The following ATP2B2 variants were observed in gnomAD, a reference collection of about 807,000 sequenced individuals.
The protein encoded by ATP2B2 is ATPase plasma membrane Ca2+ transporting 2, also known as plasma membrane calcium-transporting ATPase 2.
In ATP2B2, 15 loss-of-function variants were observed where a neutral mutation model predicts 120.0. The ratio of observed to expected loss-of-function variants is 0.12; its 90% CI spans 0.08 to 0.19. The LOEUF (loss-of-function observed/expected upper bound fraction) is 0.19, where lower values mean the gene tolerates loss of function less well. Among genes scored for constraint, ATP2B2 ranks in the 10% least tolerant of loss-of-function variants. The pLI, the probability that ATP2B2 is intolerant of heterozygous loss-of-function variation, is 1.00. For synonymous variants in ATP2B2, 694 were observed against 700.3 expected (o/e 0.99, Z 0.14); for missense variants, 1,045 against 1,719.8 (o/e 0.61, Z 6.94).
At chr3:10,680,266 C>T (rs2071350555) in intron 1 of ATP2B2, among the ~76,000 whole-genome samples, 1 of 152,124 alleles carries the variant, frequency 6.6e-6, no homozygotes, top group Non-Finnish European at 1.5e-5. Flanking sequence ...AAGTGGGAGG[C>T]TGCATGGGCT....
chr3:10,527,221 G>C (rs573020325), intron 3 of ATP2B2, among the ~76,000 whole-genome samples: 301 of 152,296 alleles, frequency 2.0e-3, no homozygotes, highest in African/African-American at 3.8e-3. Context: ...GGAGGGAAAG[G>C]GGGCAGCTCA....
upstream of ATP2B2, among the ~76,000 whole-genome samples, chr3:10,506,463 CG>C (rs2066631421): frequency 6.6e-6 from 1 of 152,324 alleles, no homozygotes; most frequent in South Asian, 2.1e-4. Flanking sequence ...GGTGAGGAGT[CG>C]GTAGGGTTGG....
upstream of ATP2B2, among the ~76,000 whole-genome samples, chr3:10,506,942 G>A (rs1362089043): frequency 6.6e-6 from 1 of 152,216 alleles, no homozygotes; most frequent in Non-Finnish European, 1.5e-5. Context: ...GAACCCGGCC[G>A]TGCAGAGGGG....
chr3:10,524,600 A>G (rs951754306), intron 3 of ATP2B2, among the ~76,000 whole-genome samples: 2 of 152,182 alleles, frequency 1.3e-5, no homozygotes, highest in South Asian at 2.1e-4. Context: ...CCATCTCTCA[A>G]TATGACAACT....
chr3:10,399,461 T>C (rs2062148944), intron 5 of ATP2B2, among the ~76,000 whole-genome samples: 1 of 152,252 alleles, frequency 6.6e-6, no homozygotes, highest in Non-Finnish European at 1.5e-5. Flanking sequence ...CAGGTCTCTA[T>C]ACCTCACTAC....
At chr3:10,603,940 C>T (rs2068993032) in intron 2 of ATP2B2, among the ~76,000 whole-genome samples, 1 of 152,184 alleles carries the variant, frequency 6.6e-6, no homozygotes, top group Admixed American at 6.5e-5. Flanking sequence ...GTCTTCAGCC[C>T]TCCCTCCCCT....
intron 14 of ATP2B2, among the ~76,000 whole-genome samples, chr3:10,356,952 G>A (rs2060750454): frequency 6.7e-6 from 1 of 148,440 alleles, no homozygotes; most frequent in Non-Finnish European, 1.5e-5. Context: ...CCCCAAGGAG[G>A]GTGTGTGTGT....
intron 2 of ATP2B2, among the ~76,000 whole-genome samples, chr3:10,431,470 C>A (rs1413315184): frequency 1.3e-5 from 2 of 152,206 alleles, no homozygotes; most frequent in African/African-American, 4.8e-5. Flanking sequence ...TGACGACTTG[C>A]TGTGGGCTCA....
intron 1 of ATP2B2, among the ~76,000 whole-genome samples, chr3:10,487,151 C>T (rs551207941): frequency 8.6e-4 from 131 of 152,268 alleles, no homozygotes; most frequent in African/African-American, 3.1e-3. Flanking sequence ...GCTACAGGAA[C>T]AAATAATATG....
In ATP2B2 at chr3:10,325,087, A is replaced by G. The variant is rs2059837290; in HGVS notation, c.*3727T>C. 1 of 152,210 alleles carries G rather than the reference A, an allele frequency of 6.6e-6. No individual in the cohort carries two copies. Among genetic ancestry groups the G allele is most frequent in the Non-Finnish European group, 1.5e-5 (1 of 68,054 alleles). 9.4% of individuals were successfully genotyped at this position (152,210 alleles called of 1,614,324 possible). A position where few individuals can be genotyped will look rare whatever the true frequency, so the allele number is the denominator to read the frequency against. ...TGGGAGGAACAGCAGGCTTCTCTCA[A>G]GATCAGGATGCCCTTTTTGTCCCTC... On this transcript the variant is annotated 3_prime_UTR_variant, in exon 23 of 23. Transcript: ENST00000360273.
chr3:10,575,666 G>A (rs2068227747), intron 2 of ATP2B2, among the ~76,000 whole-genome samples: 2 of 152,188 alleles, frequency 1.3e-5, no homozygotes, highest in South Asian at 4.1e-4. Context: ...GGGGTAGAGA[G>A]GATGAGAAAT....
intron 1 of ATP2B2, among the ~76,000 whole-genome samples, chr3:10,703,223 G>C (rs1473179181): frequency 1.3e-5 from 2 of 152,182 alleles, no homozygotes; most frequent in Non-Finnish European, 2.9e-5. Context: ...GTCAACATGG[G>C]AAGAGGGATG....
chr3:10,338,027 G>A, intron 22 of ATP2B2, 149 bp downstream of exon 22: 2 of 957,308 alleles, frequency 2.1e-6, no homozygotes, highest in South Asian at 1.6e-5. Context: ...GGGTGTGCAA[G>A]TGGCTGGTGA....
At chr3:10,443,070 T>C (rs773909420) in intron 2 of ATP2B2, among the ~76,000 whole-genome samples, 4 of 152,230 alleles carry the variant, frequency 2.6e-5, no homozygotes, top group Non-Finnish European at 1.5e-5. Flanking sequence ...TCCCAGCTCA[T>C]GCCTAGCACC....
At chr3:10,558,545 A>G (rs1329696011) in intron 2 of ATP2B2, among the ~76,000 whole-genome samples, 1 of 152,158 alleles carries the variant, frequency 6.6e-6, no homozygotes, top group Non-Finnish European at 1.5e-5. Context: ...ATGGAGAGGA[A>G]GGGGTGAATA....
At chr3:10,598,258 T>G (rs980965740) in intron 2 of ATP2B2, among the ~76,000 whole-genome samples, 22 of 152,138 alleles carry the variant, frequency 1.4e-4, no homozygotes, top group Non-Finnish European at 1.3e-4. Flanking sequence ...AAAAACAGGA[T>G]GTAAGGGCCA....
Position 10,692,316 on chromosome 3 carries a change from C to T in ATP2B2, c.-460+15599G>A, listed in dbSNP as rs184042359. On this transcript the variant is annotated intron_variant, in intron 1 of 21. Transcript: ENST00000646379. Reference sequence around the variant, plus strand: ...CTGCTGTCCTATTCCCTGCCTCTCCCCCCAACCGTCATTCATTAATTTCTG... The same window carrying T: ...CTGCTGTCCTATTCCCTGCCTCTCCTCCCAACCGTCATTCATTAATTTCTG... 6.3e-3 allele frequency among the ~76,000 whole-genome samples: 960 copies of T among 152,314 alleles called. 5 individuals carry two copies. Among genetic ancestry groups the T allele is most frequent in the Non-Finnish European group, 0.011 (740 of 68,032 alleles).
In ATP2B2 at chr3:10,449,759, C is replaced by T. The variant is rs2063968515; in HGVS notation, c.-216G>A. 11 of 637,504 alleles carry T rather than the reference C, an allele frequency of 1.7e-5. No homozygotes were observed. Among genetic ancestry groups the T allele is most frequent in the Non-Finnish European group, 2.5e-5 (9 of 353,142 alleles). The allele number at this position is 637,504 out of a possible 1,614,324, so 39.5% of individuals were successfully genotyped here. A position where few individuals can be genotyped will look rare whatever the true frequency, so the allele number is the denominator to read the frequency against. On this transcript the variant is annotated 5_prime_UTR_variant, in exon 2 of 23. It introduces an in-frame stop codon into an upstream open reading frame of the 5' UTR. Coordinates refer to ENST00000360273, the MANE Select transcript of ATP2B2 (RefSeq NM_001001331.4). ...GGTGTCCTCCGGTGTGGGACGAGGT[C>T]CAGGGGCCGGAGGGGCTCAGGGCTG...
chr3:10,644,690 C>T (rs967181590), intron 1 of ATP2B2, among the ~76,000 whole-genome samples: 2 of 152,138 alleles, frequency 1.3e-5, no homozygotes, highest in African/African-American at 2.4e-5. Context: ...TGTCTAGAAT[C>T]AATAAGTCCG....
Sources: gnomAD v4.1 joint callset for allele counts (sites outside exome capture counted in the v4.1 genomes callset) on GRCh38, gnomAD v4.1.1 for gene constraint, MANE v1.5 for transcripts, NCBI Gene and HGNC (gene_info 2026-07-23, HGNC 2026-07-21) for gene names.